Variants in SEC23A observed in about 807,000 individuals in gnomAD.
The protein encoded by SEC23A is protein transport protein Sec23A.
A neutral mutation model predicts 103.7 loss-of-function variants in SEC23A; 56 were observed. The ratio of observed to expected loss-of-function variants is 0.54; its 90% CI spans 0.44 to 0.67. The LOEUF is 0.67. SEC23A is among the 30% of genes least tolerant of loss of function. SEC23A has a pLI of 0.00. For synonymous variants in SEC23A, 281 were observed against 293.0 expected, an observed-to-expected ratio of 0.96 and a Z score of 0.42; for missense variants, 784 against 936.4, an observed-to-expected ratio of 0.84 and a Z score of 2.12.
At chr14:39,092,957 G>A (rs573023003) in intron 3 of SEC23A, 53 of 480,184 alleles carry the variant, frequency 1.1e-4, no homozygotes, top group Admixed American at 2.1e-4. Flanking sequence ...TCCACCTCCC[G>A]GGTTCATGCC....
At chr14:39,056,741 G>A (rs1886264219) in intron 13 of SEC23A, among the ~76,000 whole-genome samples, 1 of 152,130 alleles carries the variant, frequency 6.6e-6, no homozygotes, top group African/African-American at 2.4e-5. Flanking sequence ...GGGATTACAG[G>A]CGTGAGCACC....
intron 19 of SEC23A, among the ~76,000 whole-genome samples, chr14:39,034,144 G>C (rs1207779680): frequency 6.6e-6 from 1 of 152,174 alleles, no homozygotes; most frequent in Non-Finnish European, 1.5e-5. Context: ...AAAAGAACTT[G>C]AAAGATTTGA....
intron 9 of SEC23A, among the ~76,000 whole-genome samples, chr14:39,068,658 C>CA (rs897229753): frequency 2.6e-4 from 40 of 151,998 alleles, no homozygotes; most frequent in African/African-American, 7.7e-4. Context: ...GTGAAAAACA[C>CA]AAAGAGAGGA....
At chr14:39,036,313 T>A (rs1885456982) in intron 19 of SEC23A, among the ~76,000 whole-genome samples, 1 of 81,532 alleles carries the variant, frequency 1.2e-5, no homozygotes, top group African/African-American at 5.2e-5. Flanking sequence ...AGAGCAAGAC[T>A]CCGTCTCAAA....
chr14:39,046,599 T>C (rs996954360), intron 15 of SEC23A, among the ~76,000 whole-genome samples: 4 of 152,062 alleles, frequency 2.6e-5, no homozygotes, highest in Non-Finnish European at 5.9e-5. Flanking sequence ...TCTACACTGG[T>C]TTAAAAAAAA....
At chr14:39,100,525 G>A (rs749198308) in intron 1 of SEC23A, among the ~76,000 whole-genome samples, 3 of 150,572 alleles carry the variant, frequency 2.0e-5, no homozygotes, top group Non-Finnish European at 4.4e-5. Context: ...CAATTCTCCC[G>A]CCTCAGCCTC....
chr14:39,045,178 A>C lies in SEC23A; in HGVS notation c.1884T>G (p.Phe628Leu), dbSNP rs1371912923. ...MIQPILYAYS[F>L]SGPPEPVLLD... is the part of the protein sequence containing the mutation. ...TCCCTCTTACCTCTGGTGGTCCACTAAAAGAATACGCATACAGGATAGGCT... is the reference window on the plus strand; with the variant it reads ...TCCCTCTTACCTCTGGTGGTCCACTCAAAGAATACGCATACAGGATAGGCT... The change falls in exon 16 of 20, where the codon TTT (phenylalanine) becomes TTG (leucine). Residue 628 changes from phenylalanine to leucine, a missense_variant. By Grantham distance (22) the Phe-to-Leu change is conservative. Coordinates refer to ENST00000307712, the MANE Select transcript of SEC23A (RefSeq NM_006364.4). 1 of 1,613,630 alleles carries C rather than the reference A, an allele frequency of 6.2e-7. No homozygotes were observed. The highest frequency in any genetic ancestry group is 8.5e-7 in the Non-Finnish European group (1 of 1,179,752).
In SEC23A at chr14:39,043,226, C is replaced by T. The variant is rs1032839553; in HGVS notation, c.1900-354G>A. 2.0e-5 allele frequency among the ~76,000 whole-genome samples: 3 copies of T among 152,116 alleles called. No individual in the cohort carries two copies. In the East Asian group the frequency reaches 5.8e-4, roughly 29 times the overall value. The stretch of plus-strand genomic sequence containing the variant: ...CAAATTCCTGGGCTGAAGTGATCCT[C>T]CTGCCTTAGCCTCCCAAAGGCTGAG... On this transcript the variant is annotated intron_variant, in intron 16 of 19. Coordinates refer to ENST00000307712, the MANE Select transcript of SEC23A (RefSeq NM_006364.4).
chr14:39,059,877 T>A (rs1200040473), intron 13 of SEC23A, among the ~76,000 whole-genome samples: 2 of 152,172 alleles, frequency 1.3e-5, no homozygotes, highest in Non-Finnish European at 2.9e-5. Context: ...AAGCAAAATT[T>A]TTCCCTGACA....
intron 7 of SEC23A, among the ~76,000 whole-genome samples, chr14:39,084,315 C>G (rs1047592788): frequency 7.2e-5 from 11 of 152,096 alleles, no homozygotes; most frequent in Admixed American, 1.3e-4. Context: ...CGTGAACCAC[C>G]GCACCCAGCC....
chr14:39,085,962 G>C (rs940758105), intron 6 of SEC23A, 56 bp from the exon 7 acceptor site: 16 of 1,440,452 alleles, frequency 1.1e-5, no homozygotes, highest in Middle Eastern at 4.0e-4. Flanking sequence ...GTGAGAGTTC[G>C]ATAAACAAAT....
intron 14 of SEC23A, among the ~76,000 whole-genome samples, chr14:39,051,101 T>A (rs1313244386): frequency 6.6e-6 from 1 of 152,252 alleles, no homozygotes. Flanking sequence ...AGTTTTTTCC[T>A]AATCAAAAAC....
intron 5 of SEC23A, among the ~76,000 whole-genome samples, chr14:39,089,747 A>C (rs959858232): frequency 3.9e-5 from 6 of 152,234 alleles, no homozygotes; most frequent in African/African-American, 1.4e-4. Context: ...TCCTGAGGTC[A>C]GGAGTTCAAG....
At chr14:39,060,130 G>C (rs1037391172) in intron 13 of SEC23A, among the ~76,000 whole-genome samples, 1 of 151,456 alleles carries the variant, frequency 6.6e-6, no homozygotes, top group African/African-American at 2.4e-5. Context: ...CACACGTTGA[G>C]AGCCATAAAT....
chr14:39,085,648 A>G (rs1887407950), intron 7 of SEC23A, 114 bp downstream of exon 7: 3 of 1,328,598 alleles, frequency 2.3e-6, no homozygotes, highest in East Asian at 4.9e-5. Context: ...AATAGGGAGG[A>G]AAAAAAGCAC....
chr14:39,046,182 CT>C (rs1308648904), intron 15 of SEC23A, among the ~76,000 whole-genome samples: 2 of 151,672 alleles, frequency 1.3e-5, no homozygotes, highest in African/African-American at 2.4e-5. Context: ...TCAATTAAGC[CT>C]CTTGGCTGGG....
chr14:39,100,444 C>T lies in SEC23A; in HGVS notation c.-22+2588G>A, dbSNP rs1055391381. Among the ~76,000 whole-genome samples the T allele has an allele frequency of 2.0e-4, 28 of 140,020 alleles. 1 individual carries two copies. The highest frequency in any genetic ancestry group is 3.3e-4 in the Non-Finnish European group (22 of 65,872). 91.9% of individuals were successfully genotyped at this position (140,020 alleles called of 152,430 possible). A position where few individuals can be genotyped will look rare whatever the true frequency, so the allele number is the denominator to read the frequency against. On this transcript the variant is annotated intron_variant, in intron 1 of 19. Coordinates refer to ENST00000307712, the MANE Select transcript of SEC23A (RefSeq NM_006364.4). Reference sequence around the variant, plus strand: ...TTTTTTTTTTTTTGAGACGGAGTTTCGCTCGTTGCCCAGGCTGGAGTGCAA... The same window carrying T: ...TTTTTTTTTTTTTGAGACGGAGTTTTGCTCGTTGCCCAGGCTGGAGTGCAA...
chr14:39,076,155 T>A lies in SEC23A; in HGVS notation c.829-62A>T, dbSNP rs535358892. 3.4e-6 allele frequency: 4 copies of A among 1,170,604 alleles called. No homozygotes were observed. The African/African-American group carries it at 6.1e-5, about 18-fold the overall frequency. 72.5% of individuals were successfully genotyped at this position (1,170,604 alleles called of 1,614,324 possible). ...TATGAATATACATTTCTGATAATAA[T>A]TTTTTATATATTCCTTCTAAATAAG... is the stretch of plus-strand genomic sequence containing the variant. On this transcript the variant is annotated intron_variant, in intron 7 of 19. Coordinates refer to ENST00000307712, the MANE Select transcript of SEC23A (RefSeq NM_006364.4).
At chr14:39,063,657 T>C (rs1487838772) in intron 11 of SEC23A, among the ~76,000 whole-genome samples, 2 of 152,168 alleles carry the variant, frequency 1.3e-5, no homozygotes, top group African/African-American at 4.8e-5. Flanking sequence ...GCTAAGTAAA[T>C]TACAAAAGTA....
Sources: allele counts gnomAD v4.1 joint callset (sites outside exome capture counted in the v4.1 genomes callset), GRCh38; gene constraint gnomAD v4.1.1; transcripts MANE v1.5; gene names NCBI Gene and HGNC (gene_info 2026-07-23, HGNC 2026-07-21).